Variants in CCDC7 observed in about 807,000 individuals in gnomAD.
CCDC7 encodes coiled-coil domain containing 7, also known as coiled-coil domain-containing protein 7.
CCDC7 carries 183 observed loss-of-function variants against 196.9 expected under a neutral mutation model. That is an observed-to-expected ratio of 0.93 (90% CI 0.82 to 1.05). The LOEUF (loss-of-function observed/expected upper bound fraction) is 1.05. Among genes scored for constraint, CCDC7 ranks in the 50% least tolerant of loss-of-function variants. CCDC7 has a pLI of 0.00. For missense variants in CCDC7, 1,540 were observed against 1,482.2 expected, an observed-to-expected ratio of 1.04 and a Z score of -0.64; for synonymous variants, 525 against 484.6, an observed-to-expected ratio of 1.08 and a Z score of -1.10.
At chr10:32,803,903 G>T (rs1269960927) in intron 29 of CCDC7, among the ~76,000 whole-genome samples, 1 of 151,966 alleles carries the variant, frequency 6.6e-6, no homozygotes, top group Non-Finnish European at 1.5e-5. Flanking sequence ...TTGGATGTTT[G>T]TCGCCTCCAC....
At chr10:32,565,217 A>C (rs1183157088) in intron 13 of CCDC7, among the ~76,000 whole-genome samples, 1 of 152,228 alleles carries the variant, frequency 6.6e-6, no homozygotes, top group East Asian at 1.9e-4. Flanking sequence ...GCACAAAGCC[A>C]GAACAATGTT....
chr10:32,841,385 C>T (rs1187706243), intron 33 of CCDC7, among the ~76,000 whole-genome samples: 1 of 151,860 alleles, frequency 6.6e-6, no homozygotes, highest in African/African-American at 2.4e-5. Flanking sequence ...ATCAAGAACT[C>T]AACTCCTTTC....
intron 8 of CCDC7, among the ~76,000 whole-genome samples, 187 bp downstream of exon 9, chr10:32,474,210 CTTTTTTTTTTTT>C (rs71027095): frequency 1.2e-4 from 7 of 58,964 alleles, no homozygotes; most frequent in East Asian, 5.9e-4. Flanking sequence ...AAACTAGATT[CTTTTTTTTTTTT>C]TTTTTTTTTT....
chr10:32,607,928 G>A (rs1437766860), intron 18 of CCDC7, among the ~76,000 whole-genome samples: 2 of 152,020 alleles, frequency 1.3e-5, no homozygotes, highest in African/African-American at 2.4e-5. Flanking sequence ...CAGCAGTAGA[G>A]CCATCTGGTC....
At chr10:32,604,608 T>A (rs1241303081) in intron 18 of CCDC7, among the ~76,000 whole-genome samples, 1 of 152,180 alleles carries the variant, frequency 6.6e-6, no homozygotes, top group Non-Finnish European at 1.5e-5. Context: ...TTTATCAGTG[T>A]TTTACAGCTT....
intron 20 of CCDC7, among the ~76,000 whole-genome samples, chr10:32,652,568 A>G (rs1487631054): frequency 1.3e-5 from 2 of 151,982 alleles, no homozygotes; most frequent in East Asian, 1.9e-4. Context: ...TAGTATATCT[A>G]TTATAGGTTT....
At chr10:32,511,695 C>G (rs1233175189) in intron 9 of CCDC7, 2 of 1,582,272 alleles carry the variant, frequency 1.3e-6, no homozygotes, top group African/African-American at 1.3e-5. Context: ...GACAAATACT[C>G]GTGAATTTCT....
intron 3 of CCDC7, among the ~76,000 whole-genome samples, chr10:32,461,341 A>G (rs951821359): frequency 6.6e-6 from 1 of 152,172 alleles, no homozygotes; most frequent in Admixed American, 6.6e-5. Flanking sequence ...CATCTAACAC[A>G]AAACCTATTT....
At chr10:32,805,018 C>G in exon 30 of CCDC7, 2 of 1,594,626 alleles carry the variant, frequency 1.3e-6, no homozygotes, top group Non-Finnish European at 1.7e-6. Flanking sequence ...TCTATAGAGA[C>G]TGATATAGAA....
At chr10:32,714,804 CACCACGGCGCAGCAAAGCCACTGTA>C (rs1318870882) in intron 25 of CCDC7, among the ~76,000 whole-genome samples, 6 of 152,152 alleles carry the variant, frequency 3.9e-5, no homozygotes, top group African/African-American at 1.2e-4. Flanking sequence ...GTGCAGAACC[CACCACGGCGCAGCAAAGCCACTGTA>C]ACCAGGCTGT....
chr10:32,719,686 C>A (rs1184810905), intron 25 of CCDC7, among the ~76,000 whole-genome samples: 1 of 152,044 alleles, frequency 6.6e-6, no homozygotes, highest in Non-Finnish European at 1.5e-5. Context: ...AAAAAACAAA[C>A]AACCTAATCA....
In CCDC7 at chr10:32,546,098, A is replaced by G. The variant is rs572621820; in HGVS notation, c.1134+1797A>G. Among the ~76,000 whole-genome samples the G allele has an allele frequency of 2.0e-5, 3 of 152,192 alleles. No individual in the cohort carries two copies. In the East Asian group the frequency reaches 5.8e-4, roughly 29 times the overall value. ...CTATCCATTCAAATCACCCTGGCATAACTGTCTCCTGAAAAACATATCGAA... is the reference window on the plus strand; with the variant it reads ...CTATCCATTCAAATCACCCTGGCATGACTGTCTCCTGAAAAACATATCGAA... On this transcript the variant is annotated intron_variant, in intron 13 of 41. Coordinates refer to ENST00000639629, the Ensembl canonical transcript of CCDC7.
intron 11 of CCDC7, among the ~76,000 whole-genome samples, chr10:32,521,027 C>T (rs943798304): frequency 4.0e-5 from 6 of 151,838 alleles, no homozygotes; most frequent in Admixed American, 3.3e-4. Context: ...ATGAGTTCAT[C>T]GTAGGTGTGT....
In CCDC7 at chr10:32,593,736, G is replaced by A. The variant is rs187524710; in HGVS notation, c.1801+9432G>A. Among the ~76,000 whole-genome samples, 1,097 of 152,304 alleles carry A rather than the reference G, an allele frequency of 7.2e-3. 17 individuals carry two copies. Among genetic ancestry groups the A allele is most frequent in the African/African-American group, 0.024 (981 of 41,578 alleles). On this transcript the variant is annotated intron_variant, in intron 18 of 41. Coordinates refer to ENST00000639629, the Ensembl canonical transcript of CCDC7. Reference sequence around the variant, plus strand: ...GAATTGATTTTTGTATAAGGTGTAAGGAAGGGATCCAGTTTCAGCTTTCTA... The same window carrying A: ...GAATTGATTTTTGTATAAGGTGTAAAGAAGGGATCCAGTTTCAGCTTTCTA...
intron 20 of CCDC7, among the ~76,000 whole-genome samples, chr10:32,635,517 A>G (rs988480818): frequency 3.9e-5 from 6 of 152,130 alleles, no homozygotes; most frequent in Non-Finnish European, 7.4e-5. Flanking sequence ...AAAAACTATC[A>G]TGTCTCCCCA....
At chr10:32,624,999 T>TG (rs2063825505) in intron 18 of CCDC7, among the ~76,000 whole-genome samples, 1 of 145,566 alleles carries the variant, frequency 6.9e-6, no homozygotes, top group African/African-American at 2.5e-5. Context: ...TTTTTTTTTT[T>TG]TTTTTTTTTT....
intron 18 of CCDC7, among the ~76,000 whole-genome samples, chr10:32,633,682 G>GTGTATATATATA (rs1554927922): frequency 8.2e-6 from 1 of 121,698 alleles, no homozygotes. Flanking sequence ...TTAGCTTTGT[G>GTGTATATATATA]TATATATATA....
chr10:32,530,040 CTT>C (rs2049379722), intron 11 of CCDC7, among the ~76,000 whole-genome samples: 1 of 152,094 alleles, frequency 6.6e-6, no homozygotes, highest in South Asian at 2.1e-4. Context: ...CCTTTCCCCA[CTT>C]TATGTTTTTC....
intron 41 of CCDC7, among the ~76,000 whole-genome samples, chr10:32,859,783 G>A (rs11009116): frequency 0.14 from 21,103 of 151,996 alleles, 1,749 homozygotes; most frequent in East Asian, 0.25. Context: ...TACTATAAAC[G>A]CCTCTACGCA....
Sources: gnomAD v4.1 joint callset for allele counts (sites outside exome capture counted in the v4.1 genomes callset) on GRCh38, gnomAD v4.1.1 for gene constraint, MANE v1.5 for transcripts, NCBI Gene and HGNC (gene_info 2026-07-23, HGNC 2026-07-21) for gene names.